IQCM: variants seen among roughly 807,000 people sequenced by gnomAD.
IQCM encodes IQ motif containing M, also known as IQ domain-containing protein M.
Under a neutral mutation model 57.6 loss-of-function variants are expected in IQCM, and 45 were observed. That is an observed-to-expected ratio of 0.78 (90% CI 0.62 to 1.00). IQCM has a LOEUF of 1.00. Ranked by LOEUF, IQCM falls within the 50% of genes least tolerant of loss-of-function variation. The pLI, the probability that IQCM is intolerant of heterozygous loss-of-function variation, is 0.00. For synonymous variants in IQCM, 148 were observed against 158.9 expected (o/e 0.93, Z 0.51); for missense variants, 468 against 511.6 (o/e 0.91, Z 0.82).
intron 7 of IQCM, among the ~76,000 whole-genome samples, chr4:149,655,017 A>G (rs2150141298): frequency 6.6e-6 from 1 of 152,320 alleles, no homozygotes; most frequent in Middle Eastern, 3.4e-3. Context: ...ATTTTAAGTT[A>G]TAAGTGTGTC....
chr4:149,423,411 C>T (rs575744891), intron 13 of IQCM, among the ~76,000 whole-genome samples: 1 of 151,960 alleles, frequency 6.6e-6, no homozygotes, highest in Admixed American at 6.6e-5. Context: ...GTTCCTCCCA[C>T]GACACTTGGG....
At chr4:149,513,969 T>C (rs991307087) in intron 12 of IQCM, among the ~76,000 whole-genome samples, 8 of 152,170 alleles carry the variant, frequency 5.3e-5, no homozygotes, top group African/African-American at 1.7e-4. Context: ...CAGCAGAGTA[T>C]AAATGAACTG....
intron 2 of IQCM, among the ~76,000 whole-genome samples, chr4:149,745,524 C>A (rs1281339381): frequency 6.6e-6 from 1 of 152,206 alleles, no homozygotes; most frequent in Non-Finnish European, 1.5e-5. Context: ...CTCACCCTTT[C>A]TTTTACAGTA....
chr4:149,397,761 G>GT (rs773452226), intron 13 of IQCM, among the ~76,000 whole-genome samples: 15 of 151,430 alleles, frequency 9.9e-5, no homozygotes, highest in Non-Finnish European at 1.6e-4. Context: ...GTTATTAGGG[G>GT]TTTTTTTTCT....
intron 5 of IQCM, among the ~76,000 whole-genome samples, chr4:149,694,450 C>A (rs1276894877): frequency 1.3e-5 from 2 of 151,904 alleles, no homozygotes; most frequent in Non-Finnish European, 2.9e-5. Context: ...TTCTCGGATA[C>A]TTTCTCAGAT....
At position 149,581,819 on chromosome 4, in the gene IQCM, T is replaced by C. The variant is rs1036243001; in HGVS notation, c.749+6111A>G. Among the ~76,000 whole-genome samples, 12 of 151,654 alleles carry C rather than the reference T, an allele frequency of 7.9e-5. No individual in the cohort carries two copies. The Admixed American group carries it at 7.9e-4, about 10-fold the overall frequency. On this transcript the variant is annotated intron_variant, in intron 9 of 13. Coordinates refer to ENST00000636793, the MANE Select transcript of IQCM (RefSeq NM_001363507.2). ...CTGGCACCTCCTATTCTTTGGAGAATTGCACTTTCCCATTCCAGTCATGTG... is the reference window on the plus strand; with the variant it reads ...CTGGCACCTCCTATTCTTTGGAGAACTGCACTTTCCCATTCCAGTCATGTG...
chr4:149,673,555 T>C (rs1033741652), intron 7 of IQCM, among the ~76,000 whole-genome samples: 12 of 152,110 alleles, frequency 7.9e-5, no homozygotes, highest in Non-Finnish European at 1.5e-4. Flanking sequence ...AAGGGATCAA[T>C]TCAACAAGAA....
chr4:149,733,423 T>A lies in IQCM; in HGVS notation c.206A>T (p.Asp69Val). Residue 69 changes from aspartate (D) to valine (V), a missense_variant, in exon 5 of 14, where the codon GAC becomes GTC. By Grantham distance (152) the Asp-to-Val change is radical. Transcript: ENST00000636793. ...KSGKYIPLEI[D>V]KKVTRDVVQE... The stretch of plus-strand genomic sequence containing the variant: ...CACCACATCACGTGTTACCTTTTTG[T>A]CAATCTCCAAAGGTATGTATTTGCC... 8.1e-7 allele frequency: 1 copy of A among 1,231,854 alleles called. No individual in the cohort carries two copies. Among genetic ancestry groups the A allele is most frequent in the Non-Finnish European group, 1.0e-6 (1 of 987,740 alleles). The allele number at this position is 1,231,854 out of a possible 1,614,324, so 76.3% of individuals were successfully genotyped here. A position where few individuals can be genotyped will look rare whatever the true frequency, so the allele number is the denominator to read the frequency against.
At chr4:149,653,301 C>T (rs1319513345) in intron 7 of IQCM, among the ~76,000 whole-genome samples, 1 of 152,152 alleles carries the variant, frequency 6.6e-6, no homozygotes, top group East Asian at 1.9e-4. Flanking sequence ...CCATCAGACT[C>T]TCTTACCAAA....
chr4:149,748,818 C>G (rs1478308267), intron 2 of IQCM: 1 of 152,118 alleles, frequency 6.6e-6, no homozygotes, highest in Non-Finnish European at 1.5e-5. Context: ...AGATCAACTA[C>G]TAGAATAAAT....
At chr4:149,405,884 A>G (rs1732942556) in intron 13 of IQCM, among the ~76,000 whole-genome samples, 1 of 31,536 alleles carries the variant, frequency 3.2e-5, no homozygotes, top group African/African-American at 1.2e-4. Context: ...ATATATATAT[A>G]TCTTCATATA....
chr4:149,404,934 C>G (rs1732874906), intron 13 of IQCM, among the ~76,000 whole-genome samples: 1 of 151,870 alleles, frequency 6.6e-6, no homozygotes, highest in South Asian at 2.1e-4. Context: ...ATATAGCAAG[C>G]ATAATTTTAA....
intron 2 of IQCM, among the ~76,000 whole-genome samples, chr4:149,762,643 T>C (rs1209892558): frequency 3.9e-5 from 6 of 152,054 alleles, no homozygotes; most frequent in African/African-American, 9.7e-5. Context: ...AGGAGCGAAA[T>C]TATATTTAAT....
chr4:149,685,172 C>T (rs1032075069), intron 6 of IQCM, among the ~76,000 whole-genome samples: 2 of 151,460 alleles, frequency 1.3e-5, no homozygotes, highest in Non-Finnish European at 3.0e-5. Flanking sequence ...TCTGCCATGG[C>T]TTACCAGCCT....
intron 12 of IQCM, among the ~76,000 whole-genome samples, chr4:149,443,421 T>G (rs988961666): frequency 3.9e-5 from 6 of 151,980 alleles, no homozygotes; most frequent in African/African-American, 1.2e-4. Context: ...CAATAACAGC[T>G]GGCTTTAGAT....
At chr4:149,622,442 A>C (rs1579739647) in intron 7 of IQCM, among the ~76,000 whole-genome samples, 1 of 150,266 alleles carries the variant, frequency 6.7e-6, no homozygotes, top group African/African-American at 2.5e-5. Context: ...TCCCAGGTTC[A>C]CGCCGTTCTC....
intron 7 of IQCM, among the ~76,000 whole-genome samples, chr4:149,675,347 A>G (rs1386146515): frequency 6.6e-6 from 1 of 151,938 alleles, no homozygotes; most frequent in East Asian, 1.9e-4. Context: ...GGAAACAGCA[A>G]TGAGGAGCAA....
chr4:149,743,074 T>C lies in IQCM; in HGVS notation c.-48-335A>G, dbSNP rs779828145. Among the ~76,000 whole-genome samples the C allele has an allele frequency of 5.3e-5, 8 of 152,300 alleles. No individual in the cohort carries two copies. In the South Asian group the frequency reaches 1.5e-3, roughly 28 times the overall value. ...AGGTAAGAAGCTATGTAGTGGCATG[T>C]GCAAAACTCAAAAGATGTTTGGGCT... On this transcript the variant is annotated intron_variant, in intron 2 of 13. Transcript: ENST00000636793.
chr4:149,804,598 G>A (rs1312084607), intron 2 of IQCM, among the ~76,000 whole-genome samples: 4 of 152,070 alleles, frequency 2.6e-5, no homozygotes, highest in African/African-American at 9.7e-5. Context: ...TGACATGTCA[G>A]ACCAGAAACT....
Sources: gnomAD v4.1 joint callset for allele counts (sites outside exome capture counted in the v4.1 genomes callset) on GRCh38, gnomAD v4.1.1 for gene constraint, MANE v1.5 for transcripts, NCBI Gene and HGNC (gene_info 2026-07-23, HGNC 2026-07-21) for gene names.